ASB4: variants seen among roughly 807,000 people sequenced by gnomAD.
ASB4 encodes ankyrin repeat and SOCS box protein 4.
A neutral mutation model predicts 38.6 loss-of-function variants in ASB4; 35 were observed. The ratio of observed to expected loss-of-function variants is 0.91; its 90% confidence interval spans 0.69 to 1.20. ASB4 has a LOEUF of 1.20. Among genes scored for constraint, ASB4 ranks in the 50% most tolerant of loss-of-function variants. The pLI is 0.00. For synonymous variants in ASB4, 195 were observed against 201.3 expected, an observed-to-expected ratio of 0.97 and a Z score of 0.26; for missense variants, 557 against 527.2, an observed-to-expected ratio of 1.06 and a Z score of -0.55.
chr7:95,489,849 CA>C (rs1158442955), intron 1 of ASB4, among the ~76,000 whole-genome samples: 19 of 152,282 alleles, frequency 1.2e-4, no homozygotes, highest in African/African-American at 3.4e-4. Context: ...TTAAAGAAAA[CA>C]CAAATGTCCC....
intron 3 of ASB4, among the ~76,000 whole-genome samples, chr7:95,534,000 A>G (rs1300134770): frequency 1.3e-5 from 2 of 152,154 alleles, no homozygotes; most frequent in African/African-American, 2.4e-5. Context: ...ATGACACATA[A>G]TAACTCCATC....
intron 2 of ASB4, among the ~76,000 whole-genome samples, chr7:95,505,362 T>C (rs1790392756): frequency 1.3e-5 from 2 of 152,268 alleles, no homozygotes; most frequent in Middle Eastern, 6.8e-3. Context: ...ATTTATAATA[T>C]CACAAGAAAT....
At chr7:95,493,388 G>A (rs927855650) in intron 1 of ASB4, among the ~76,000 whole-genome samples, 1,732 of 48,596 alleles carry the variant, frequency 0.036, 34 homozygotes, top group African/African-American at 0.089. Context: ...GTGTGTGTGT[G>A]TGTATGTGTG....
chr7:95,473,605 A>G (rs957714265), upstream of ASB4: 12 of 150,978 alleles, frequency 7.9e-5, no homozygotes, highest in African/African-American at 2.7e-4. Flanking sequence ...TAGAATACAG[A>G]TGCCATTGTG....
chr7:95,477,121 C>T (rs1365683976), upstream of ASB4, among the ~76,000 whole-genome samples: 4 of 151,562 alleles, frequency 2.6e-5, no homozygotes, highest in East Asian at 7.8e-4. Context: ...TTTTTTTCCC[C>T]AGGATACTGC....
At chr7:95,498,605 G>C (rs578186908) in intron 2 of ASB4, among the ~76,000 whole-genome samples, 2 of 152,266 alleles carry the variant, frequency 1.3e-5, no homozygotes, top group Admixed American at 1.3e-4. Flanking sequence ...TCATTTATCA[G>C]ATACATAGTT....
upstream of ASB4, among the ~76,000 whole-genome samples, chr7:95,481,994 G>GGTGAGTTGA (rs1207938381): frequency 2.6e-5 from 4 of 152,184 alleles, no homozygotes; most frequent in Non-Finnish European, 5.9e-5. Flanking sequence ...GTGAGTTGAA[G>GGTGAGTTGA]CGGTGGCTTG....
intron 2 of ASB4, among the ~76,000 whole-genome samples, chr7:95,518,058 C>G (rs1790609105): frequency 6.6e-6 from 1 of 152,024 alleles, no homozygotes; most frequent in Non-Finnish European, 1.5e-5. Context: ...CCTACTTCCC[C>G]TAAAAGGATA....
At chr7:95,502,178 GA>G (rs758156532) in intron 2 of ASB4, among the ~76,000 whole-genome samples, 6 of 150,850 alleles carry the variant, frequency 4.0e-5, no homozygotes, top group Non-Finnish European at 7.4e-5. Context: ...ATATTTAAGG[GA>G]AAAAAAAGAA....
At chr7:95,513,947 G>A (rs983360371) in intron 2 of ASB4, among the ~76,000 whole-genome samples, 1 of 152,052 alleles carries the variant, frequency 6.6e-6, no homozygotes, top group African/African-American at 2.4e-5. Context: ...TTCGATGCTG[G>A]CATAAATTAC....
At position 95,537,696 on chromosome 7, in the gene ASB4, G is replaced by C; in HGVS notation, c.1218G>C (p.Leu406Phe). 1.2e-6 allele frequency: 2 copies of C among 1,613,864 alleles called. No individual in the cohort carries two copies. Among genetic ancestry groups the C allele is most frequent in the Non-Finnish European group, 1.7e-6 (2 of 1,179,842 alleles). The change falls in exon 5 of 5, where the codon TTG becomes TTC. Residue 406 changes from leucine (L) to phenylalanine (F), a missense_variant. Leu to Phe is a conservative substitution (Grantham distance 22). Coordinates refer to ENST00000325885, the MANE Select transcript of ASB4 (RefSeq NM_016116.3). The part of the protein sequence containing the change: ...LHNRCHRAIP[L>F]LSLPLSLKKY... ...ACAGATGCCATAGAGCAATTCCTTT[G>C]CTTTCCCTCCCATTGTCATTGAAAA...
rs1790918442 is a variant in ASB4 at position 95,537,916 on chromosome 7, A to G, written c.*157A>G. The G allele has an allele frequency of 6.5e-6, 4 of 612,164 alleles. No homozygotes were observed. The highest frequency in any genetic ancestry group is 2.4e-5 in the South Asian group (1 of 40,888). The allele number at this position is 612,164 out of a possible 1,614,324, so 37.9% of individuals were successfully genotyped here. A position where few individuals can be genotyped will look rare whatever the true frequency, so the allele number is the denominator to read the frequency against. ...GCCATTAATCCTAGAATATCATGGT[A>G]TGGGGAAATAAAGAAGAAGTAAAGT... On this transcript the variant is annotated 3_prime_UTR_variant, in exon 5 of 5. Coordinates refer to ENST00000325885, the MANE Select transcript of ASB4 (RefSeq NM_016116.3).
intron 2 of ASB4, among the ~76,000 whole-genome samples, chr7:95,511,917 G>T (rs1477369081): frequency 6.6e-6 from 1 of 152,096 alleles, no homozygotes. Context: ...GAGTCCTGCC[G>T]CTAATGTAAA....
At chr7:95,507,146 GTTTGTTTT>G (rs1479113269) in intron 2 of ASB4, among the ~76,000 whole-genome samples, 4 of 151,852 alleles carry the variant, frequency 2.6e-5, no homozygotes, top group East Asian at 1.9e-4. Flanking sequence ...TTGTTTGTTT[GTTTGTTTT>G]TTTGCTGCAG....
intron 3 of ASB4, 78 bp downstream of exon 3, chr7:95,528,381 G>A (rs1790775315): frequency 6.3e-7 from 1 of 1,598,244 alleles, no homozygotes; most frequent in Non-Finnish European, 8.5e-7. Context: ...AGTAACTCAA[G>A]CTTGCTTGAG....
the ASB4 span, among the ~76,000 whole-genome samples, chr7:95,545,301 C>A: frequency 6.6e-6 from 1 of 152,120 alleles, no homozygotes; most frequent in African/African-American, 2.4e-5. Flanking sequence ...TTCTATGGCA[C>A]CTTTCTTTAA....
At chr7:95,533,243 C>T (rs1052693905) in intron 3 of ASB4, among the ~76,000 whole-genome samples, 7 of 152,040 alleles carry the variant, frequency 4.6e-5, no homozygotes, top group African/African-American at 1.5e-4. Flanking sequence ...TGTGTATGGC[C>T]CCCTAACTAA....
intron 1 of ASB4, among the ~76,000 whole-genome samples, chr7:95,488,118 G>A (rs969047122): frequency 2.0e-5 from 3 of 152,190 alleles, no homozygotes; most frequent in Non-Finnish European, 4.4e-5. Context: ...GAGGTGGGCT[G>A]ATCACGAGGT....
At chr7:95,519,247 C>G (rs974823522) in intron 2 of ASB4, among the ~76,000 whole-genome samples, 2 of 152,302 alleles carry the variant, frequency 1.3e-5, no homozygotes, top group East Asian at 1.9e-4. Flanking sequence ...ATACTCGACA[C>G]TGTACAAAAT....
Sources: gnomAD v4.1 joint callset for allele counts (sites outside exome capture counted in the v4.1 genomes callset) on GRCh38, gnomAD v4.1.1 for gene constraint, MANE v1.5 for transcripts, NCBI Gene and HGNC (gene_info 2026-07-23, HGNC 2026-07-21) for gene names.